MAP9: variants seen among roughly 807,000 people sequenced by gnomAD.
The protein encoded by MAP9 is microtubule associated protein 9.
In MAP9, 80 loss-of-function variants were observed where a neutral mutation model predicts 75.2. The ratio of observed to expected loss-of-function variants is 1.06; its 90% CI spans 0.89 to 1.28. MAP9 has a LOEUF of 1.28. Among genes scored for constraint, MAP9 ranks in the 50% most tolerant of loss-of-function variants. The probability of loss-of-function intolerance (pLI) is 0.00; values close to 1 mark genes in which losing one functional copy is unlikely to be tolerated. For synonymous variants in MAP9, 235 were observed against 237.3 expected (o/e 0.99, Z 0.09); for missense variants, 753 against 719.9 (o/e 1.05, Z -0.53).
rs770283939 is a variant in MAP9, at chr4:155,360,300, T to C, written c.918A>G (p.Gln306=). ...CTTCTTCAAGGTCATCAGCAGTCAC[T>C]TGACTTTCCTTGGATTTCTCAACTG... is the stretch of plus-strand genomic sequence containing the variant. ...TTAVEKSKES[Q]VTADDLEEEK... is the part of the protein sequence containing the mutation. The change falls in exon 7 of 14, where the codon CAA becomes CAG. Residue 306 remains glutamine, a synonymous_variant. Transcript: ENST00000311277. The C allele has an allele frequency of 8.1e-6, 13 of 1,613,264 alleles. No individual in the cohort carries two copies. The South Asian group carries it at 9.9e-5, about 12-fold the overall frequency.
intron 4 of MAP9, among the ~76,000 whole-genome samples, chr4:155,371,814 T>C (rs570346710): frequency 1.3e-5 from 2 of 151,940 alleles, no homozygotes; most frequent in Non-Finnish European, 2.9e-5. Context: ...CTCAGACAAA[T>C]TTTTAGTTGC....
chr4:155,360,431 G>A lies in MAP9; in HGVS notation c.803-16C>T, dbSNP rs2111232701. 1.3e-6 allele frequency: 2 copies of A among 1,598,522 alleles called. No homozygotes were observed. Among genetic ancestry groups the A allele is most frequent in the Non-Finnish European group, 8.5e-7 (1 of 1,172,042 alleles). On this transcript the variant is annotated splice_polypyrimidine_tract_variant and intron_variant, in intron 6 of 13. Transcript: ENST00000311277. ...TCATTTGGATCTATTTTGAGACAGA[G>A]TAATAGCATTAAAACCCCCTTCTGA...
At chr4:155,356,977 A>C (rs1731819704) in intron 8 of MAP9, 1 of 159,882 alleles carries the variant, frequency 6.3e-6, no homozygotes, top group South Asian at 1.9e-4. Context: ...CTTAGTTCAT[A>C]GATTCTGAAG....
In MAP9 at chr4:155,344,089, T is replaced by C. The variant is rs1285341039; in HGVS notation, c.*3694A>G. 2 of 152,006 alleles carry C rather than the reference T, an allele frequency of 1.3e-5. No homozygotes were observed. The highest frequency in any genetic ancestry group is 2.4e-5 in the African/African-American group (1 of 41,444). The allele number at this position is 152,006 out of a possible 1,614,324, so 9.4% of individuals were successfully genotyped here. ...CTTGGGAATGATTATAACTAACACG[T>C]AATTTCCCCTACTTTGTGAAATTCC... On this transcript the variant is annotated 3_prime_UTR_variant, in exon 14 of 14. Coordinates refer to ENST00000311277, the MANE Select transcript of MAP9 (RefSeq NM_001039580.2).
rs1183422932 is a variant in MAP9, at chr4:155,368,707, T to C, written c.587A>G (p.Asp196Gly). The change falls in exon 5 of 14, where the codon GAT (aspartate) becomes GGT (glycine). Residue 196 changes from aspartate (D) to glycine (G), a missense_variant. Transcript: ENST00000311277. ...SHMEEKDGLE[D>G]KETALSEELE... The stretch of plus-strand genomic sequence containing the variant: ...TTCTTCACTGAGGGCAGTTTCTTTA[T>C]CTTCTAGTCCATCCTTCTCCTCCAT... 3 of 1,614,010 alleles carry C rather than the reference T, an allele frequency of 1.9e-6. No individual in the cohort carries two copies. Among genetic ancestry groups the C allele is most frequent in the Non-Finnish European group, 2.5e-6 (3 of 1,179,936 alleles).
At position 155,357,605 on chromosome 4, in the gene MAP9, T is replaced by C. The variant is rs1731854416; in HGVS notation, c.1051-86A>G. ...AAGCCAAACTGCCAGTAAATCACTA[T>C]TCTTTAAGCATCTACTATGTGTCAA... On this transcript the variant is annotated intron_variant, in intron 7 of 13. Coordinates refer to ENST00000311277, the MANE Select transcript of MAP9 (RefSeq NM_001039580.2). 3 of 757,032 alleles carry C rather than the reference T, an allele frequency of 4.0e-6. No homozygotes were observed. The South Asian group carries it at 4.5e-5, about 11-fold the overall frequency. 46.9% of individuals were successfully genotyped at this position (757,032 alleles called of 1,614,324 possible).
intron 7 of MAP9, among the ~76,000 whole-genome samples, chr4:155,359,441 G>T (rs1002618419): frequency 1.3e-5 from 2 of 151,980 alleles, no homozygotes; most frequent in African/African-American, 4.8e-5. Context: ...GACTAGGAAA[G>T]GTGAGAGGGA....
At chr4:155,375,160 G>A in intron 2 of MAP9, 139 bp from the exon 3 acceptor site, 1 of 601,712 alleles carries the variant, frequency 1.7e-6, no homozygotes, top group Admixed American at 2.9e-5. Context: ...TTTCCTGCAA[G>A]CTCACTTTAT....
intron 7 of MAP9, among the ~76,000 whole-genome samples, chr4:155,358,142 G>C (rs1352011005): frequency 6.6e-6 from 1 of 152,190 alleles, no homozygotes; most frequent in Non-Finnish European, 1.5e-5. Context: ...GAGTAAGAAT[G>C]AGGCCAAGGG....
intron 5 of MAP9, 156 bp from the exon 6 acceptor site, chr4:155,362,297 C>A: frequency 3.8e-6 from 2 of 528,528 alleles, no homozygotes. Context: ...TGTGACAAGC[C>A]AATGGAGGTA....
chr4:155,357,501 T>G lies in MAP9; in HGVS notation c.1069A>C (p.Asn357His), dbSNP rs528391153. Residue 357 changes from asparagine to histidine, a missense_variant, in exon 8 of 14, where the codon AAT (asparagine) becomes CAT (histidine). Coordinates refer to ENST00000311277, the MANE Select transcript of MAP9 (RefSeq NM_001039580.2). Reference protein sequence around the residue: ...ASSKKTIEDRNIKNKKSTNNR... With the variant: ...ASSKKTIEDRHIKNKKSTNNR... ...TTTGTTGACTTTTTATTCTTTATAT[T>G]TCTATCTTCAATTGTTTTCTATTAA... is the stretch of plus-strand genomic sequence containing the variant. 11 of 1,533,390 alleles carry G rather than the reference T, an allele frequency of 7.2e-6. No individual in the cohort carries two copies. The East Asian group carries it at 2.3e-4, about 31-fold the overall frequency. 95.0% of individuals were successfully genotyped at this position (1,533,390 alleles called of 1,614,324 possible). A position where few individuals can be genotyped will look rare whatever the true frequency, so the allele number is the denominator to read the frequency against.
rs1176862735 is a variant in MAP9 at position 155,360,302 on chromosome 4, G to C, written c.916C>G (p.Gln306Glu). ...TCTTCAAGGTCATCAGCAGTCACTT[G>C]ACTTTCCTTGGATTTCTCAACTGCA... Reference protein sequence around the residue: ...TTAVEKSKESQVTADDLEEEK... With the variant: ...TTAVEKSKESEVTADDLEEEK... The change falls in exon 7 of 14, where the codon CAA becomes GAA. Residue 306 changes from glutamine (Q) to glutamate (E), a missense_variant. Coordinates refer to ENST00000311277, the MANE Select transcript of MAP9 (RefSeq NM_001039580.2). The C allele has an allele frequency of 2.5e-6, 4 of 1,613,174 alleles. No individual in the cohort carries two copies. Among genetic ancestry groups the C allele is most frequent in the Non-Finnish European group, 2.5e-6 (3 of 1,179,412 alleles).
rs1008922212 is a variant in MAP9, at chr4:155,376,843, C to G, written c.-137G>C. The G allele has an allele frequency of 1.3e-5, 2 of 152,884 alleles. No homozygotes were observed. The highest frequency in any genetic ancestry group is 2.9e-5 in the Non-Finnish European group (2 of 68,278). 9.5% of individuals were successfully genotyped at this position (152,884 alleles called of 1,614,324 possible). ...GAGGAGGAGGGGCTAATAACAGAGG[C>G]GGAGGGCGGTTGCTAGGAAACAGCG... is the stretch of plus-strand genomic sequence containing the variant. On this transcript the variant is annotated 5_prime_UTR_variant, in exon 1 of 14. Transcript: ENST00000311277.
intron 4 of MAP9, among the ~76,000 whole-genome samples, chr4:155,369,075 C>T (rs1403180737): frequency 6.6e-6 from 1 of 152,114 alleles, no homozygotes; most frequent in Admixed American, 6.5e-5. Context: ...GTAATCCCAG[C>T]ACGTTGGGAG....
At chr4:155,364,703 T>C (rs1732246286) in intron 5 of MAP9, among the ~76,000 whole-genome samples, 1 of 151,174 alleles carries the variant, frequency 6.6e-6, no homozygotes, top group Admixed American at 6.6e-5. Context: ...TTATAGGATA[T>C]GTAGATATAA....
chr4:155,367,055 G>A (rs1236705929), intron 5 of MAP9, among the ~76,000 whole-genome samples: 1 of 152,114 alleles, frequency 6.6e-6, no homozygotes, highest in Non-Finnish European at 1.5e-5. Flanking sequence ...ATCACACCAT[G>A]ACTAACCAGA....
intron 7 of MAP9, 68 bp downstream of exon 7, chr4:155,360,100 T>A: frequency 2.1e-6 from 3 of 1,437,910 alleles, no homozygotes; most frequent in Middle Eastern, 2.0e-4. Context: ...ACACAGAAGA[T>A]AAAATTTCTT....
At chr4:155,355,944 T>C (rs1731762735) in intron 8 of MAP9, 60 bp from the exon 9 acceptor site, 3 of 1,415,860 alleles carry the variant, frequency 2.1e-6, no homozygotes, top group Admixed American at 1.9e-5. Context: ...AGAAGAGAGA[T>C]CTGTTAGAAT....
At position 155,352,548 on chromosome 4, in the gene MAP9, C is replaced by T. The variant is rs747090851; in HGVS notation, c.1821+48G>A. 22 of 1,535,964 alleles carry T rather than the reference C, an allele frequency of 1.4e-5. No individual in the cohort carries two copies. The Middle Eastern group carries it at 6.9e-4, about 48-fold the overall frequency. On this transcript the variant is annotated intron_variant, in intron 13 of 13. Coordinates refer to ENST00000311277, the MANE Select transcript of MAP9 (RefSeq NM_001039580.2). ...ATTAGAATTAGGGACAGAAAAGACA[C>T]AAAAGGTACATGAAAAAGACGAAAG...
Sources: gnomAD v4.1 joint callset for allele counts (sites outside exome capture counted in the v4.1 genomes callset) on GRCh38, gnomAD v4.1.1 for gene constraint, MANE v1.5 for transcripts, NCBI Gene and HGNC (gene_info 2026-07-23, HGNC 2026-07-21) for gene names.